Variants in FGF13 observed in about 807,000 individuals in gnomAD.
FGF13 encodes the protein fibroblast growth factor 13.
FGF13 carries 2 observed loss-of-function variants against 19.5 expected under a neutral mutation model. The ratio of observed to expected loss-of-function variants is 0.10; its 90% CI spans 0.04 to 0.32. The LOEUF is 0.32. FGF13 is among the 10% of genes least tolerant of loss of function. The pLI is 1.00. For missense variants in FGF13, 113 were observed against 192.7 expected (o/e 0.59, Z 2.45); for synonymous variants, 72 against 76.9 (o/e 0.94, Z 0.33).
At chrX:139,025,693 G>A (rs1424299792) in intron 1 of FGF13, among the ~76,000 whole-genome samples, 1 of 111,184 alleles carries the variant, frequency 9.0e-6, no homozygotes, top group Non-Finnish European at 1.9e-5. Context: ...TTACAGATGT[G>A]TTCCCTCTAG....
At chrX:138,749,482 G>A (rs1357750232) in intron 3 of FGF13, among the ~76,000 whole-genome samples, 1 of 111,663 alleles carries the variant, frequency 9.0e-6, no homozygotes, top group Admixed American at 9.5e-5. Context: ...TCTAGCCTCA[G>A]GGATGATCAG....
intron 1 of FGF13, among the ~76,000 whole-genome samples, chrX:138,915,606 T>A (rs1291258961): frequency 8.9e-6 from 1 of 112,101 alleles, no homozygotes; most frequent in Non-Finnish European, 1.9e-5. Context: ...TTGTGTCTTA[T>A]CAACATCTGT....
At chrX:139,164,713 AAATAAATAAATG>A (rs2084065943) in intron 1 of FGF13, among the ~76,000 whole-genome samples, 1 of 109,430 alleles carries the variant, frequency 9.1e-6, no homozygotes, top group African/African-American at 3.4e-5. Context: ...ATAAATAAAT[AAATAAATAAATG>A]AATGGAGAAT....
intron 3 of FGF13, among the ~76,000 whole-genome samples, chrX:138,702,700 A>C (rs1423034133): frequency 4.5e-5 from 5 of 112,321 alleles, no homozygotes. Flanking sequence ...AAAGCAAGGC[A>C]GCAAGACAGA....
chrX:138,859,251 T>C (rs1228678345), intron 2 of FGF13, among the ~76,000 whole-genome samples: 1 of 112,048 alleles, frequency 8.9e-6, no homozygotes, highest in Non-Finnish European at 1.9e-5. Flanking sequence ...TATGATAATA[T>C]AGACACTCAT....
At chrX:139,091,968 G>T (rs755804111) in intron 1 of FGF13, among the ~76,000 whole-genome samples, 2 of 110,444 alleles carry the variant, frequency 1.8e-5, no homozygotes, top group Non-Finnish European at 3.8e-5. Context: ...GAGGTACCTG[G>T]CACCACTTTA....
chrX:138,983,128 T>G (rs1422783275), intron 1 of FGF13, among the ~76,000 whole-genome samples: 1 of 110,493 alleles, frequency 9.1e-6, no homozygotes, highest in Non-Finnish European at 1.9e-5. Flanking sequence ...CAATCCCACT[T>G]GTTTATTTCT....
intron 1 of FGF13, among the ~76,000 whole-genome samples, chrX:139,180,594 G>A (rs1000394064): frequency 5.4e-5 from 6 of 111,437 alleles, no homozygotes; most frequent in African/African-American, 2.0e-4. Flanking sequence ...TCAAGTGGAG[G>A]CTCACAAACA....
At chrX:138,820,872 C>T (rs980485887) in intron 3 of FGF13, among the ~76,000 whole-genome samples, 1 of 110,694 alleles carries the variant, frequency 9.0e-6, no homozygotes, top group African/African-American at 3.3e-5. Context: ...GAGAATAGTC[C>T]AGTGCATTTA....
chrX:138,984,582 AAGAAGAAGGAGG>A (rs1209865614), intron 1 of FGF13, among the ~76,000 whole-genome samples: 82 of 34,841 alleles, frequency 2.4e-3, no homozygotes, highest in East Asian at 8.5e-3. Context: ...GAAGAAGAAG[AAGAAGAAGGAGG>A]AGGAGGAGGA....
chrX:138,966,788 C>T (rs756518272), intron 1 of FGF13, among the ~76,000 whole-genome samples: 1 of 111,031 alleles, frequency 9.0e-6, no homozygotes, highest in Admixed American at 9.6e-5. Flanking sequence ...TCTGTGCTCC[C>T]ACCCAAATCT....
chrX:139,060,939 A>T (rs999532969), intron 1 of FGF13, among the ~76,000 whole-genome samples: 1 of 110,863 alleles, frequency 9.0e-6, no homozygotes, highest in African/African-American at 3.3e-5. Flanking sequence ...TTTTCCATTA[A>T]ATTTTTCATT....
At chrX:138,804,645 G>T (rs1402618823) in intron 3 of FGF13, among the ~76,000 whole-genome samples, 1 of 111,909 alleles carries the variant, frequency 8.9e-6, no homozygotes, top group African/African-American at 3.2e-5. Flanking sequence ...AACATGATAG[G>T]TCACTATGCA....
At chrX:138,745,437 C>T (rs183074798) in intron 3 of FGF13, among the ~76,000 whole-genome samples, 1 of 111,726 alleles carries the variant, frequency 9.0e-6, no homozygotes, top group Non-Finnish European at 1.9e-5. Flanking sequence ...TTCATAGCAC[C>T]CCCTTGTGGA....
intron 1 of FGF13, among the ~76,000 whole-genome samples, chrX:139,056,060 T>A (rs1436310823): frequency 8.9e-6 from 1 of 112,564 alleles, no homozygotes; most frequent in Non-Finnish European, 1.9e-5. Flanking sequence ...GCTTTCTCAA[T>A]ATATTAATGA....
At position 138,866,783 on chromosome X, in the gene FGF13, G is replaced by A. The variant is rs11798003; in HGVS notation, c.-112-2133C>T. On this transcript the variant is annotated intron_variant, in intron 1 of 2. Coordinates refer to the FGF13 transcript ENST00000421460. ...CAGCAGAATCAGAATCTATTTTCAC[G>A]AGGTTCTGAAGCGACTGCTATGCAC... Among the ~76,000 whole-genome samples, 975 of 112,090 alleles carry A rather than the reference G, an allele frequency of 8.7e-3. 3 individuals are homozygous for A. The highest frequency in any genetic ancestry group is 0.014 in the Middle Eastern group (3 of 215).
intron 3 of FGF13, among the ~76,000 whole-genome samples, chrX:138,848,487 A>AT (rs1185203101): frequency 1.8e-5 from 2 of 111,268 alleles, no homozygotes; most frequent in African/African-American, 6.5e-5. Flanking sequence ...ACCACAATAA[A>AT]TTTTTTTCCA....
intron 1 of FGF13, among the ~76,000 whole-genome samples, chrX:139,087,614 T>C (rs188229640): frequency 8.9e-6 from 1 of 111,959 alleles, no homozygotes; most frequent in Non-Finnish European, 1.9e-5. Flanking sequence ...TTGTTTGATA[T>C]AGTTATTTCA....
intron 3 of FGF13, among the ~76,000 whole-genome samples, chrX:138,837,792 G>A (rs2124102264): frequency 8.9e-6 from 1 of 111,953 alleles, no homozygotes; most frequent in East Asian, 2.8e-4. Flanking sequence ...AAAGCTCACA[G>A]GCTGGACTGG....
Sources: allele counts gnomAD v4.1 joint callset (sites outside exome capture counted in the v4.1 genomes callset), GRCh38; gene constraint gnomAD v4.1.1; transcripts MANE v1.5; gene names NCBI Gene and HGNC (gene_info 2026-07-23, HGNC 2026-07-21).